GSTA2: variants seen among roughly 807,000 people sequenced by gnomAD.
GSTA2 encodes the protein glutathione S-transferase alpha 2.
Under a neutral mutation model 22.4 loss-of-function variants are expected in GSTA2, and 27 were observed. That is an observed-to-expected ratio of 1.21 (90% CI 0.89 to 1.67). The LOEUF (loss-of-function observed/expected upper bound fraction) is 1.67, where lower values mean the gene tolerates loss of function less well. Among genes scored for constraint, GSTA2 ranks in the 40% most tolerant of loss-of-function variants. GSTA2 has a pLI of 0.00. For synonymous variants in GSTA2, 121 were observed against 86.8 expected, an observed-to-expected ratio of 1.39 and a Z score of -2.19; for missense variants, 302 against 260.2, an observed-to-expected ratio of 1.16 and a Z score of -1.11.
chr6:52,758,115 G>A (rs146407779), intron 1 of GSTA2, 138 bp from the exon 2 acceptor site: 142 of 587,386 alleles, frequency 2.4e-4, no homozygotes, highest in Non-Finnish European at 3.8e-4. Context: ...AGGAGTTCCC[G>A]GAATGTTTTC....
At chr6:52,754,712 G>A (rs989272926) in intron 4 of GSTA2, among the ~76,000 whole-genome samples, 2 of 152,020 alleles carry the variant, frequency 1.3e-5, no homozygotes, top group African/African-American at 4.8e-5. Flanking sequence ...CCTTTGTCAG[G>A]GTGCTGTGTC....
chr6:52,752,272 T>A (rs904043515), intron 5 of GSTA2, among the ~76,000 whole-genome samples: 2 of 152,230 alleles, frequency 1.3e-5, no homozygotes, highest in African/African-American at 2.4e-5. Flanking sequence ...CTCTGGTTCC[T>A]AAATGGCACT....
chr6:52,763,036 T>G (rs1208232798), intron 1 of GSTA2, among the ~76,000 whole-genome samples: 1 of 152,222 alleles, frequency 6.6e-6, no homozygotes, highest in Non-Finnish European at 1.5e-5. Flanking sequence ...ACCTTAGTTT[T>G]GAATTTTCAC....
At position 52,757,193 on chromosome 6, in the gene GSTA2, T is replaced by G. The variant is rs376696683; in HGVS notation, c.87+668A>C. ...GTTTGTTACAATCCACTCCCTTCCA[T>G]CTCTCATTTGTAGTTTGCATTTTAC... is the stretch of plus-strand genomic sequence containing the variant. On this transcript the variant is annotated intron_variant, in intron 2 of 6. Coordinates refer to ENST00000493422, the MANE Select transcript of GSTA2 (RefSeq NM_000846.5). Among the ~76,000 whole-genome samples, 5 of 100,274 alleles carry G rather than the reference T, an allele frequency of 5.0e-5. No homozygotes were observed. In the South Asian group the frequency reaches 1.6e-3, roughly 32 times the overall value. 65.8% of individuals were successfully genotyped at this position (100,274 alleles called of 152,430 possible).
At chr6:52,755,112 T>C in intron 3 of GSTA2, 37 bp from the exon 4 acceptor site, 1 of 1,608,720 alleles carries the variant, frequency 6.2e-7, no homozygotes, top group Non-Finnish European at 8.5e-7. Context: ...GTGAAGTGTC[T>C]ATGAAACCCA....
intron 4 of GSTA2, among the ~76,000 whole-genome samples, chr6:52,754,432 C>G (rs1762802756): frequency 6.6e-6 from 1 of 152,146 alleles, no homozygotes; most frequent in Non-Finnish European, 1.5e-5. Context: ...CTCCAGTATC[C>G]TTGGTGCCAG....
intron 1 of GSTA2, among the ~76,000 whole-genome samples, chr6:52,759,116 G>C (rs1489407211): frequency 1.3e-5 from 2 of 152,162 alleles, no homozygotes; most frequent in Non-Finnish European, 2.9e-5. Flanking sequence ...GAAAAGAATA[G>C]AAAATATCAG....
chr6:52,751,744 C>A (rs199773503), intron 5 of GSTA2, 36 bp from the exon 6 acceptor site: 53 of 1,613,742 alleles, frequency 3.3e-5, no homozygotes, highest in Middle Eastern at 3.3e-4. Flanking sequence ...GGAACACATG[C>A]CCACCCAGGC....
rs368813311 is a variant in GSTA2, at chr6:52,750,649, C to A, written c.597G>T (p.Gln199His). ...TGGGAGGCTTCCTTGGGCTGCCAGG[C>A]TGTAGAAACTTCTTCACTGTGGGCA... is the stretch of plus-strand genomic sequence containing the variant. ...SNLPTVKKFL[Q>H]PGSPRKPPMD... The change falls in exon 7 of 7, where the codon CAG becomes CAT. Residue 199 changes from glutamine (Q) to histidine (H), a missense_variant. Coordinates refer to ENST00000493422, the MANE Select transcript of GSTA2 (RefSeq NM_000846.5). 1.2e-5 allele frequency: 19 copies of A among 1,613,376 alleles called. No homozygotes were observed. Among genetic ancestry groups the A allele is most frequent in the Non-Finnish European group, 1.6e-5 (19 of 1,179,800 alleles).
At chr6:52,756,698 G>A (rs892449352) in intron 2 of GSTA2, among the ~76,000 whole-genome samples, 3 of 152,216 alleles carry the variant, frequency 2.0e-5, no homozygotes, top group Non-Finnish European at 4.4e-5. Flanking sequence ...CCAGCATGAG[G>A]CATGACATGG....
At chr6:52,751,802 C>T (rs1762744131) in intron 5 of GSTA2, 94 bp from the exon 6 acceptor site, 3 of 1,570,878 alleles carry the variant, frequency 1.9e-6, no homozygotes, top group South Asian at 2.2e-5. Flanking sequence ...CTTTCCCCAC[C>T]TCTGTTGCCT....
chr6:52,753,062 C>T, intron 4 of GSTA2, 67 bp from the exon 5 acceptor site: 11 of 1,478,934 alleles, frequency 7.4e-6, no homozygotes, highest in Non-Finnish European at 9.1e-6. Flanking sequence ...TTATAAAAAC[C>T]TAAGAGAGTA....
In GSTA2 at chr6:52,755,019, C is replaced by T. The variant is rs748655996; in HGVS notation, c.196G>A (p.Val66Met). The T allele has an allele frequency of 5.0e-6, 8 of 1,613,926 alleles. No homozygotes were observed. The highest frequency in any genetic ancestry group is 4.4e-5 in the South Asian group (4 of 91,076). The change falls in exon 4 of 7, where the codon GTG becomes ATG. Residue 66 changes from valine to methionine, a missense_variant. Transcript: ENST00000493422. ...TAGTTGAGAATGGCTCTGGTCTGCA[C>T]CAGCTTCATCCCATCAATCTCAACC... ...PMVEIDGMKL[V>M]QTRAILNYIA...
intron 6 of GSTA2, 51 bp downstream of exon 6, chr6:52,751,526 C>T (rs1581770692): frequency 6.2e-7 from 1 of 1,612,614 alleles, no homozygotes; most frequent in Non-Finnish European, 8.5e-7. Context: ...ATACAAGATC[C>T]CAAGATGGGA....
At chr6:52,752,082 C>T (rs1441965145) in intron 5 of GSTA2, among the ~76,000 whole-genome samples, 1 of 152,152 alleles carries the variant, frequency 6.6e-6, no homozygotes. Flanking sequence ...TCTGCTGTCT[C>T]CCGCTCCAAT....
intron 3 of GSTA2, among the ~76,000 whole-genome samples, chr6:52,755,824 G>A (rs1264923461): frequency 6.6e-6 from 1 of 151,836 alleles, no homozygotes; most frequent in African/African-American, 2.4e-5. Context: ...CAAAGTCTGC[G>A]ATATTGCTAC....
rs192759836 is a variant in GSTA2, at chr6:52,756,520, T to C, written c.88-211A>G. On this transcript the variant is annotated intron_variant, in intron 2 of 6. Coordinates refer to ENST00000493422, the MANE Select transcript of GSTA2 (RefSeq NM_000846.5). The stretch of plus-strand genomic sequence containing the variant: ...GTCACAGCACATAGCTGCTCAATCT[T>C]CTAGTTCACTTCACCTCCACCTTGA... 1.5e-4 allele frequency among the ~76,000 whole-genome samples: 23 copies of C among 152,312 alleles called. No homozygotes were observed. The East Asian group carries it at 4.2e-3, about 28-fold the overall frequency.
intron 2 of GSTA2, 38 bp from the exon 3 acceptor site, chr6:52,756,347 A>T: frequency 6.7e-7 from 1 of 1,483,310 alleles, no homozygotes; most frequent in Non-Finnish European, 9.4e-7. Context: ...TTGTTAGTTC[A>T]TTCTATTATA....
intron 6 of GSTA2, among the ~76,000 whole-genome samples, chr6:52,751,125 A>G (rs535432249): frequency 6.6e-6 from 1 of 152,196 alleles, no homozygotes; most frequent in African/African-American, 2.4e-5. Flanking sequence ...AGTGAGAGAT[A>G]CATTGTCGGG....
Sources: allele counts gnomAD v4.1 joint callset (sites outside exome capture counted in the v4.1 genomes callset), GRCh38; gene constraint gnomAD v4.1.1; transcripts MANE v1.5; gene names NCBI Gene and HGNC (gene_info 2026-07-23, HGNC 2026-07-21).